Variants in SPMIP3 observed in about 807,000 individuals in gnomAD.
SPMIP3 encodes the protein protein SPMIP3.
chr1:244,387,966 T>G, the SPMIP3 span, among the ~76,000 whole-genome samples: 1 of 151,964 alleles, frequency 6.6e-6, no homozygotes, highest in Non-Finnish European at 1.5e-5. Context: ...TCACTCTTGT[T>G]GCCCAGGCTG....
At chr1:244,373,930 A>G in the SPMIP3 span, among the ~76,000 whole-genome samples, 1 of 152,036 alleles carries the variant, frequency 6.6e-6, no homozygotes, top group Non-Finnish European at 1.5e-5. Context: ...CCTAGCCACC[A>G]TGGTGAAACC....
chr1:244,357,480 G>T, the SPMIP3 span, among the ~76,000 whole-genome samples: 3 of 152,094 alleles, frequency 2.0e-5, no homozygotes, highest in African/African-American at 7.2e-5. Context: ...GGGGGCCAAG[G>T]TGGGTGGATC....
At chr1:244,362,024 C>G in the SPMIP3 span, among the ~76,000 whole-genome samples, 35 of 152,258 alleles carry the variant, frequency 2.3e-4, no homozygotes, top group African/African-American at 8.4e-4. Context: ...CTCTCTCTCT[C>G]TTTTTTAAAT....
At chr1:244,387,598 T>C in the SPMIP3 span, among the ~76,000 whole-genome samples, 31 of 152,316 alleles carry the variant, frequency 2.0e-4, no homozygotes, top group South Asian at 6.0e-3. Context: ...GCAATGTACT[T>C]GTCACTCTGT....
At chr1:244,388,905 G>A in the SPMIP3 span, 1 of 1,450,330 alleles carries the variant, frequency 6.9e-7, no homozygotes, top group South Asian at 1.2e-5. Flanking sequence ...TAAAAATTAG[G>A]AGTGAGTAGT....
the SPMIP3 span, among the ~76,000 whole-genome samples, chr1:244,358,487 A>G: frequency 6.6e-6 from 1 of 152,016 alleles, no homozygotes; most frequent in East Asian, 1.9e-4. Context: ...CAGGAGGCTG[A>G]GGCATCAGAA....
chr1:244,380,943 C>T, the SPMIP3 span, among the ~76,000 whole-genome samples: 1 of 151,784 alleles, frequency 6.6e-6, no homozygotes, highest in South Asian at 2.1e-4. Context: ...CAGGGCAAAG[C>T]TGGGTTCTGG....
chr1:244,366,983 C>G, the SPMIP3 span, among the ~76,000 whole-genome samples: 4 of 152,042 alleles, frequency 2.6e-5, no homozygotes, highest in African/African-American at 9.7e-5. Context: ...GAGAGGTAGG[C>G]AGAAGGAGAA....
At chr1:244,358,863 G>A in the SPMIP3 span, among the ~76,000 whole-genome samples, 2 of 152,084 alleles carry the variant, frequency 1.3e-5, no homozygotes, top group Non-Finnish European at 2.9e-5. Flanking sequence ...TTTACTTGGG[G>A]CATGTCTAAG....
At chr1:244,378,855 AGG>A in the SPMIP3 span, among the ~76,000 whole-genome samples, 28 of 82,944 alleles carry the variant, frequency 3.4e-4, no homozygotes, top group Admixed American at 4.5e-4. Context: ...GACTTCAGGG[AGG>A]ATGGAAATGC....
At chr1:244,389,187 T>C in the SPMIP3 span, 7 of 727,702 alleles carry the variant, frequency 9.6e-6, no homozygotes, top group African/African-American at 1.2e-4. Flanking sequence ...AATCCTAAAA[T>C]ATTTACATGT....
At chr1:244,365,145 C>T in the SPMIP3 span, among the ~76,000 whole-genome samples, 1 of 152,098 alleles carries the variant, frequency 6.6e-6, no homozygotes, top group African/African-American at 2.4e-5. Context: ...AATTGAAGTA[C>T]GATAACACCA....
the SPMIP3 span, among the ~76,000 whole-genome samples, chr1:244,369,842 G>A: frequency 2.6e-5 from 4 of 151,930 alleles, 1 homozygote; most frequent in South Asian, 2.1e-4. Context: ...ATGTAGATGG[G>A]TTCTCTGCCT....
the SPMIP3 span, chr1:244,375,366 C>A: frequency 6.2e-7 from 1 of 1,609,338 alleles, no homozygotes; most frequent in Non-Finnish European, 8.5e-7. Context: ...TCACTTTCTG[C>A]TCTAGTATAT....
At chr1:244,364,592 T>C in the SPMIP3 span, 1 of 1,041,296 alleles carries the variant, frequency 9.6e-7, no homozygotes, top group Non-Finnish European at 1.5e-6. Flanking sequence ...TTTTTACTGA[T>C]TTCTTTCAAG....
chr1:244,380,789 C>A, the SPMIP3 span, among the ~76,000 whole-genome samples: 1 of 151,828 alleles, frequency 6.6e-6, no homozygotes, highest in Non-Finnish European at 1.5e-5. Context: ...CCCTGGGTCC[C>A]AGGGAACAGC....
At chr1:244,388,089 G>A in the SPMIP3 span, among the ~76,000 whole-genome samples, 2 of 151,712 alleles carry the variant, frequency 1.3e-5, no homozygotes, top group Admixed American at 6.6e-5. Context: ...CACCACGCCC[G>A]GCTAATTTTG....
At chr1:244,364,080 A>T in the SPMIP3 span, among the ~76,000 whole-genome samples, 1 of 152,086 alleles carries the variant, frequency 6.6e-6, no homozygotes, top group Admixed American at 6.6e-5. Context: ...ATGCCCAGCT[A>T]ACATTAGCAC....
the SPMIP3 span, chr1:244,364,670 G>A: frequency 1.9e-6 from 3 of 1,603,960 alleles, no homozygotes; most frequent in African/African-American, 2.7e-5. Flanking sequence ...AATCCTTTAT[G>A]CCATAATTTT....
Sources: allele counts gnomAD v4.1 joint callset (sites outside exome capture counted in the v4.1 genomes callset), GRCh38; gene constraint gnomAD v4.1.1; transcripts MANE v1.5; gene names NCBI Gene and HGNC (gene_info 2026-07-23, HGNC 2026-07-21).